Variants in SRGAP3 observed in about 807,000 individuals in gnomAD.
SRGAP3 encodes the protein SLIT-ROBO Rho GTPase activating protein 3.
Under a neutral mutation model 121.1 loss-of-function variants are expected in SRGAP3, and 39 were observed. The observed-to-expected ratio is 0.32, with a 90% CI of 0.25 to 0.42. The LOEUF (loss-of-function observed/expected upper bound fraction) is 0.42, where lower values mean the gene tolerates loss of function less well. Ranked by LOEUF, SRGAP3 falls within the 10% of genes least tolerant of loss-of-function variation. SRGAP3 has a pLI of 1.00. For missense variants in SRGAP3, 1,213 were observed against 1,470.6 expected (o/e 0.82, Z 2.86); for synonymous variants, 601 against 570.0 (o/e 1.05, Z -0.77).
chr3:9,099,928 G>T (rs923468563), intron 3 of SRGAP3, among the ~76,000 whole-genome samples: 1 of 152,184 alleles, frequency 6.6e-6, no homozygotes, highest in Non-Finnish European at 1.5e-5. Context: ...GGTAAAATAC[G>T]CCAGCAGGGT....
intron 1 of SRGAP3, among the ~76,000 whole-genome samples, chr3:9,344,824 C>G (rs1219556766): frequency 1.3e-5 from 2 of 151,940 alleles, no homozygotes; most frequent in Non-Finnish European, 2.9e-5. Flanking sequence ...ATCACGAGGT[C>G]AGGAAATCAA....
At chr3:9,319,888 G>C (rs887421845) in intron 3 of SRGAP3, among the ~76,000 whole-genome samples, 1 of 151,966 alleles carries the variant, frequency 6.6e-6, no homozygotes, top group African/African-American at 2.4e-5. Flanking sequence ...GGGGAGCAGG[G>C]AGCAGAGAAA....
intron 3 of SRGAP3, among the ~76,000 whole-genome samples, chr3:9,299,960 GAACCTTC>G (rs1955022859): frequency 6.6e-6 from 1 of 151,552 alleles, no homozygotes; most frequent in Non-Finnish European, 1.5e-5. Flanking sequence ...GGCTCACAAG[GAACCTTC>G]ACAAGCTATG....
At chr3:8,986,021 G>C (rs1941683723) in intron 21 of SRGAP3, 89 bp from the exon 22 acceptor site, 2 of 1,586,766 alleles carry the variant, frequency 1.3e-6, no homozygotes, top group African/African-American at 1.3e-5. Context: ...TTCGTAGGCA[G>C]GTTCCCCAGA....
intron 2 of SRGAP3, among the ~76,000 whole-genome samples, chr3:9,112,835 G>A (rs1391434486): frequency 1.5e-4 from 23 of 152,202 alleles, no homozygotes; most frequent in Admixed American, 1.4e-3. Context: ...TCTAGCTTAT[G>A]TCTGTCCTAC....
At chr3:9,255,883 A>G (rs78020857) in intron 3 of SRGAP3, among the ~76,000 whole-genome samples, 2 of 152,274 alleles carry the variant, frequency 1.3e-5, no homozygotes, top group Non-Finnish European at 2.9e-5. Flanking sequence ...GAGATAGGTT[A>G]TATTTTTCCC....
chr3:9,349,056 A>T (rs2029917682), intron 1 of SRGAP3: 1 of 975,944 alleles, frequency 1.0e-6, no homozygotes, highest in Admixed American at 1.7e-5. Flanking sequence ...GCTATCATGG[A>T]GCTGAACCTG....
chr3:9,150,915 A>G (rs776378641), intron 1 of SRGAP3, among the ~76,000 whole-genome samples: 1 of 152,204 alleles, frequency 6.6e-6, no homozygotes, highest in African/African-American at 2.4e-5. Context: ...CCTTTCCTCA[A>G]AGACCTTCCA....
At position 9,140,122 on chromosome 3, in the gene SRGAP3, TACACAC is replaced by T. The variant is rs35572227; in HGVS notation, c.68-15211_68-15206del. Among the ~76,000 whole-genome samples, 707 of 140,118 alleles carry T rather than the reference TACACAC, an allele frequency of 5.0e-3. 3 individuals are homozygous for T. The highest frequency in any genetic ancestry group is 0.015 in the African/African-American group (606 of 40,098). 91.9% of individuals were successfully genotyped at this position (140,118 alleles called of 152,430 possible). On this transcript the variant is annotated intron_variant, in intron 1 of 21. Coordinates refer to ENST00000383836, the MANE Select transcript of SRGAP3 (RefSeq NM_014850.4). ...AATTCTCCTTCTAGGCTCAGAGGCA[TACACAC>T]ACACACACACACACACACACACATA...
chr3:9,038,584 C>T (rs935085738), intron 10 of SRGAP3, among the ~76,000 whole-genome samples: 1 of 152,272 alleles, frequency 6.6e-6, no homozygotes, highest in African/African-American at 2.4e-5. Context: ...GGATACCAGC[C>T]GTAAGGCTGG....
chr3:9,083,816 C>A (rs962401962), intron 3 of SRGAP3, among the ~76,000 whole-genome samples: 1 of 152,120 alleles, frequency 6.6e-6, no homozygotes, highest in Non-Finnish European at 1.5e-5. Flanking sequence ...CTCCCTCACA[C>A]GCTCCTGACT....
rs886895690 is a variant in SRGAP3 at position 8,983,401 on chromosome 3, C to T, written c.*2118G>A. 7.0e-5 allele frequency: 16 copies of T among 229,884 alleles called. No individual in the cohort carries two copies. Among genetic ancestry groups the T allele is most frequent in the Middle Eastern group, 1.3e-3 (1 of 796 alleles). The allele number at this position is 229,884 out of a possible 1,614,324, so 14.2% of individuals were successfully genotyped here. A position where few individuals can be genotyped will look rare whatever the true frequency, so the allele number is the denominator to read the frequency against. ...CTTTTTTTGTTCCTCTCCTGATGCT[C>T]CCTTCCACTGTGGGGTGTCAAGTCC... is the stretch of plus-strand genomic sequence containing the variant. On this transcript the variant is annotated 3_prime_UTR_variant, in exon 22 of 22. Coordinates refer to ENST00000383836, the MANE Select transcript of SRGAP3 (RefSeq NM_014850.4).
chr3:9,279,345 G>A (rs1420693640), intron 3 of SRGAP3, among the ~76,000 whole-genome samples: 1 of 152,032 alleles, frequency 6.6e-6, no homozygotes, highest in Non-Finnish European at 1.5e-5. Flanking sequence ...ATAAACAGGT[G>A]TCCATGACAA....
intron 12 of SRGAP3, among the ~76,000 whole-genome samples, chr3:9,029,240 T>C (rs988905447): frequency 6.6e-6 from 1 of 152,284 alleles, no homozygotes. Flanking sequence ...AAACATAACA[T>C]ATAGTGGCTC....
chr3:9,306,084 G>A (rs1222096751), intron 3 of SRGAP3, among the ~76,000 whole-genome samples: 1 of 152,148 alleles, frequency 6.6e-6, no homozygotes, highest in Non-Finnish European at 1.5e-5. Context: ...GTTGTTTCTT[G>A]AATTTTTAAT....
Position 8,983,986 on chromosome 3 carries a change from G to C in SRGAP3, c.*1533C>G, listed in dbSNP as rs1412721714. Reference sequence around the variant, plus strand: ...GTAACAGCGGCCCACAGGGCACACAGATTTGCCCGTGTGCCATTATCCAGA... The same window carrying C: ...GTAACAGCGGCCCACAGGGCACACACATTTGCCCGTGTGCCATTATCCAGA... On this transcript the variant is annotated 3_prime_UTR_variant, in exon 22 of 22. Coordinates refer to ENST00000383836, the MANE Select transcript of SRGAP3 (RefSeq NM_014850.4). The C allele has an allele frequency of 4.3e-6, 1 of 230,664 alleles. No individual in the cohort carries two copies. Among genetic ancestry groups the C allele is most frequent in the Non-Finnish European group, 8.6e-6 (1 of 116,508 alleles). 14.3% of individuals were successfully genotyped at this position (230,664 alleles called of 1,614,324 possible).
chr3:9,007,560 A>G (rs1326735679), intron 18 of SRGAP3: 1 of 152,212 alleles, frequency 6.6e-6, no homozygotes, highest in African/African-American at 2.4e-5. Context: ...TTAGGTCAAG[A>G]AAATTCTCCA....
intron 15 of SRGAP3, 52 bp downstream of exon 15, chr3:9,015,545 C>T: frequency 3.1e-6 from 5 of 1,610,718 alleles, no homozygotes; most frequent in Non-Finnish European, 4.2e-6. Flanking sequence ...TGTAGCTCAA[C>T]TCCAACAATG....
chr3:9,129,105 A>T (rs888534731), intron 1 of SRGAP3, among the ~76,000 whole-genome samples: 1 of 152,170 alleles, frequency 6.6e-6, no homozygotes, highest in Admixed American at 6.5e-5. Context: ...ATTTTTAAAA[A>T]TTTTTTGTAG....
Sources: allele counts gnomAD v4.1 joint callset (sites outside exome capture counted in the v4.1 genomes callset), GRCh38; gene constraint gnomAD v4.1.1; transcripts MANE v1.5; gene names NCBI Gene and HGNC (gene_info 2026-07-23, HGNC 2026-07-21).